Variants in IQSEC1 observed in about 807,000 individuals in gnomAD.
IQSEC1 encodes the protein IQ motif and SEC7 domain-containing protein 1.
In IQSEC1, 31 loss-of-function variants were observed where a neutral mutation model predicts 91.0. That is an observed-to-expected ratio of 0.34 (90% CI 0.26 to 0.46). The LOEUF is 0.46. Ranked by LOEUF, IQSEC1 falls within the 20% of genes least tolerant of loss-of-function variation. IQSEC1 has a pLI of 1.00. For synonymous variants in IQSEC1, 699 were observed against 662.6 expected, an observed-to-expected ratio of 1.05 and a Z score of -0.84; for missense variants, 1,388 against 1,575.6, an observed-to-expected ratio of 0.88 and a Z score of 2.02.
Position 13,085,129 on chromosome 3 carries a change from C to T in IQSEC1, c.303-37607G>A, listed in dbSNP as rs1230740208. On this transcript the variant is annotated intron_variant, in intron 2 of 15. Transcript: ENST00000648114. ...ACTCCCGCTTATTACGACATCTCCTCGGATGCCCCAAACAGCCATATGAAG... is the reference window on the plus strand; with the variant it reads ...ACTCCCGCTTATTACGACATCTCCTTGGATGCCCCAAACAGCCATATGAAG... Among the ~76,000 whole-genome samples the T allele has an allele frequency of 7.2e-5, 11 of 152,172 alleles. 1 individual carries two copies. The highest frequency in any genetic ancestry group is 8.8e-5 in the Non-Finnish European group (6 of 68,038).
chr3:12,931,988 T>C (rs2125274291), intron 3 of IQSEC1, among the ~76,000 whole-genome samples: 1 of 152,312 alleles, frequency 6.6e-6, no homozygotes, highest in South Asian at 2.1e-4. Context: ...AGGGTGCCCG[T>C]GTCATCATGA....
chr3:12,935,643 C>T lies in IQSEC1; in HGVS notation c.1373G>A (p.Ser458Asn). ...GTTGGAGTTGGACGTGCTGTTGATG[C>T]TGTCATTGTCACCGTCTGAGTAGTC... is the stretch of plus-strand genomic sequence containing the variant. ...ESDYSDGDND[S>N]INSTSNSNDT... Residue 458 changes from serine to asparagine, a missense_variant, in exon 3 of 14, where the codon AGC becomes AAC. This residue lies in a region of IQSEC1 where 1,059 missense variants were observed against 1,317.8 expected (regional missense o/e 0.80). Coordinates refer to ENST00000613206, the MANE Select transcript of IQSEC1 (RefSeq NM_001134382.3). This position sits in a 1 kb window ranked among gnomAD's most constrained non-coding sequence, Gnocchi z 8.0. 6.2e-7 allele frequency: 1 copy of T among 1,614,118 alleles called. No individual in the cohort carries two copies. Among genetic ancestry groups the T allele is most frequent in the Non-Finnish European group, 8.5e-7 (1 of 1,180,040 alleles).
intron 1 of IQSEC1, among the ~76,000 whole-genome samples, chr3:12,957,781 C>T (rs925741019): frequency 4.6e-5 from 7 of 152,220 alleles, no homozygotes; most frequent in Non-Finnish European, 1.0e-4. Flanking sequence ...TATGGCATTC[C>T]CATGTACCCA....
intron 2 of IQSEC1, 65 bp downstream of exon 2, chr3:12,941,506 G>A (rs950185838): frequency 2.9e-5 from 41 of 1,409,314 alleles, no homozygotes; most frequent in Non-Finnish European, 3.6e-5. Context: ...CCTGGTGGGG[G>A]CACACATGGT....
At chr3:13,117,796 A>G (rs1706360999) in intron 2 of IQSEC1, among the ~76,000 whole-genome samples, 1 of 151,806 alleles carries the variant, frequency 6.6e-6, no homozygotes, top group South Asian at 2.1e-4. Flanking sequence ...GAGGCAGGAG[A>G]ATCACTTGAA....
intron 1 of IQSEC1, among the ~76,000 whole-genome samples, chr3:13,217,781 T>C (rs1003518455): frequency 6.6e-6 from 1 of 152,212 alleles, no homozygotes; most frequent in Non-Finnish European, 1.5e-5. Flanking sequence ...ATACTATCAT[T>C]ACTTGAAATA....
At chr3:13,117,264 T>G in intron 2 of IQSEC1, among the ~76,000 whole-genome samples, 2 of 121,672 alleles carry the variant, frequency 1.6e-5, no homozygotes, top group Admixed American at 8.8e-5. Flanking sequence ...AAAACCACAA[T>G]GAGATACCAC....
intron 1 of IQSEC1, among the ~76,000 whole-genome samples, chr3:13,235,024 G>C (rs1363595122): frequency 6.6e-6 from 1 of 152,196 alleles, no homozygotes; most frequent in East Asian, 1.9e-4. Context: ...GGGCCCACGG[G>C]TCTGGGGACG....
chr3:13,131,052 G>C (rs1413892890), intron 2 of IQSEC1, among the ~76,000 whole-genome samples: 1 of 151,106 alleles, frequency 6.6e-6, no homozygotes, highest in East Asian at 1.9e-4. Flanking sequence ...AAGGAAGGAA[G>C]GAAGGAAGGA....
chr3:13,188,371 C>T lies in IQSEC1; in HGVS notation c.273-24238G>A, dbSNP rs917821753. Among the ~76,000 whole-genome samples the T allele has an allele frequency of 2.0e-5, 3 of 152,358 alleles. No homozygotes were observed. In the South Asian group the frequency reaches 6.2e-4, roughly 32 times the overall value. ...TATCAGAGCCCTGCACTCCAAGCCA[C>T]TGTGACCACTGCAGGGAGGATCACG... On this transcript the variant is annotated intron_variant, in intron 1 of 15. Coordinates refer to the IQSEC1 transcript ENST00000648114.
chr3:13,005,182 G>A (rs185585296), intron 1 of IQSEC1, among the ~76,000 whole-genome samples: 155 of 152,196 alleles, frequency 1.0e-3, no homozygotes, highest in Admixed American at 6.4e-3. Flanking sequence ...GGGGGCAGGG[G>A]GTGTCTCATA....
At chr3:13,082,187 GATA>G (rs1234914512) in intron 2 of IQSEC1, among the ~76,000 whole-genome samples, 3 of 152,190 alleles carry the variant, frequency 2.0e-5, no homozygotes, top group African/African-American at 7.2e-5. Flanking sequence ...CAAAACTGAG[GATA>G]ATAAGGGAAT....
chr3:13,021,253 C>G (rs1703382864), intron 1 of IQSEC1, among the ~76,000 whole-genome samples: 1 of 152,200 alleles, frequency 6.6e-6, no homozygotes, highest in African/African-American at 2.4e-5. Context: ...CTTCTGGCAG[C>G]TGCAGAGGCC....
chr3:12,900,225 C>CAGTT lies in IQSEC1; in HGVS notation c.*754_*757dup, dbSNP rs964104295. On this transcript the variant is annotated 3_prime_UTR_variant, in exon 14 of 14. Transcript: ENST00000613206. ...CAGTTAGATGCTATGTTACTTGGCA[C>CAGTT]AGTTAGTAATGATTGTGTAAAGATT... is the stretch of plus-strand genomic sequence containing the variant. 6 of 983,258 alleles carry CAGTT rather than the reference C, an allele frequency of 6.1e-6. No homozygotes were observed. Among genetic ancestry groups the CAGTT allele is most frequent in the African/African-American group, 3.5e-5 (2 of 57,148 alleles). The allele number at this position is 983,258 out of a possible 1,614,324, so 60.9% of individuals were successfully genotyped here.
intron 3 of IQSEC1, among the ~76,000 whole-genome samples, chr3:12,926,688 T>C (rs1697170059): frequency 6.6e-6 from 1 of 152,098 alleles, no homozygotes; most frequent in Admixed American, 6.5e-5. Context: ...CATTCTTCTG[T>C]CCCCGGGGTG....
intron 1 of IQSEC1, among the ~76,000 whole-genome samples, chr3:13,054,741 G>A (rs984771008): frequency 3.9e-5 from 6 of 152,176 alleles, no homozygotes; most frequent in Non-Finnish European, 7.3e-5. Flanking sequence ...TCACCTTGTG[G>A]TCTCATTCCA....
intron 1 of IQSEC1, among the ~76,000 whole-genome samples, chr3:13,072,790 C>G (rs1705479138): frequency 6.6e-6 from 1 of 152,340 alleles, no homozygotes; most frequent in Non-Finnish European, 1.5e-5. Context: ...TGACTAATAG[C>G]CTTTTTCTCA....
chr3:13,250,023 T>G (rs913625147), intron 1 of IQSEC1, among the ~76,000 whole-genome samples: 1 of 152,230 alleles, frequency 6.6e-6, no homozygotes, highest in Admixed American at 6.5e-5. Flanking sequence ...GATTTTGCCT[T>G]TGATGTGGAG....
chr3:13,210,129 T>C (rs1694416134), intron 1 of IQSEC1, among the ~76,000 whole-genome samples: 1 of 152,138 alleles, frequency 6.6e-6, no homozygotes. Flanking sequence ...CAGCCCAGCC[T>C]GGTGAATGAA....
Sources: allele counts gnomAD v4.1 joint callset (sites outside exome capture counted in the v4.1 genomes callset), GRCh38; gene constraint gnomAD v4.1.1; regional missense constraint gnomAD v4.1.1; non-coding constraint Gnocchi (gnomAD v3.1); transcripts MANE v1.5; gene names NCBI Gene and HGNC (gene_info 2026-07-23, HGNC 2026-07-21).